RYR3: variants seen among roughly 807,000 people sequenced by gnomAD.
RYR3 encodes the protein brain ryanodine receptor-calcium release channel.
Under a neutral mutation model 584.3 loss-of-function variants are expected in RYR3, and 207 were observed. The observed-to-expected ratio is 0.35, with a 90% CI of 0.32 to 0.40. RYR3 has a LOEUF of 0.40. RYR3 is among the 10% of genes least tolerant of loss of function. The pLI is 1.00. For synonymous variants in RYR3, 2,416 were observed against 2,248.5 expected, an observed-to-expected ratio of 1.07 and a Z score of -2.11; for missense variants, 5,616 against 6,089.2, an observed-to-expected ratio of 0.92 and a Z score of 2.59.
chr15:33,405,104 C>G (rs573134885), intron 1 of RYR3, among the ~76,000 whole-genome samples: 1 of 152,170 alleles, frequency 6.6e-6, no homozygotes, highest in African/African-American at 2.4e-5. Context: ...ATTAGAAATA[C>G]GTAAAGTATT....
chr15:33,858,010 G>A, intron 99 of RYR3, 96 bp downstream of exon 99: 2 of 1,475,648 alleles, frequency 1.4e-6, no homozygotes, highest in Non-Finnish European at 1.8e-6. Flanking sequence ...GGGTGCTCTT[G>A]AGAACTGTAG....
chr15:33,853,406 G>C, intron 95 of RYR3, 149 bp from the exon 96 acceptor site: 1 of 1,063,650 alleles, frequency 9.4e-7, no homozygotes, highest in Non-Finnish European at 1.3e-6. Context: ...TTTTCTCTGG[G>C]TTTTCTCTTT....
intron 5 of RYR3, among the ~76,000 whole-genome samples, chr15:33,537,506 A>G (rs1049134403): frequency 6.7e-6 from 1 of 149,860 alleles, no homozygotes; most frequent in East Asian, 1.9e-4. Flanking sequence ...TTCACAAGTC[A>G]TACACACTTT....
At position 33,390,030 on chromosome 15, in the gene RYR3, A is replaced by G. The variant is rs570679554; in HGVS notation, c.51+78934A>G. Among the ~76,000 whole-genome samples, 4 of 152,212 alleles carry G rather than the reference A, an allele frequency of 2.6e-5. No individual in the cohort carries two copies. Among genetic ancestry groups the G allele is most frequent in the Admixed American group, 1.3e-4 (2 of 15,284 alleles). On this transcript the variant is annotated intron_variant, in intron 1 of 103. Transcript: ENST00000634891. This position sits in a 1 kb window ranked among gnomAD's most constrained non-coding sequence, Gnocchi z 4.2. ...CTATGCTGATTAGTTTCCAATTTCT[A>G]TCATTTCAGGTATGTAAATTATTGC...
intron 12 of RYR3, among the ~76,000 whole-genome samples, chr15:33,579,012 A>G (rs1407444730): frequency 6.6e-6 from 1 of 152,188 alleles, no homozygotes; most frequent in East Asian, 1.9e-4. Context: ...TTTAATTACA[A>G]AAAATTGGCA....
intron 97 of RYR3, 133 bp from the exon 98 acceptor site, chr15:33,854,633 G>A: frequency 2.5e-6 from 3 of 1,219,380 alleles, no homozygotes; most frequent in South Asian, 1.5e-5. Context: ...AGCAGATCTT[G>A]GGCCAGCTCA....
At chr15:33,737,883 C>T (rs2069651894) in intron 49 of RYR3, among the ~76,000 whole-genome samples, 1 of 152,084 alleles carries the variant, frequency 6.6e-6, no homozygotes, top group Non-Finnish European at 1.5e-5. Context: ...GTAACTTCTG[C>T]CCTCTACTGG....
At chr15:33,485,054 A>G (rs970968540) in intron 2 of RYR3, among the ~76,000 whole-genome samples, 2 of 152,176 alleles carry the variant, frequency 1.3e-5, no homozygotes, top group African/African-American at 4.8e-5. Context: ...GAAATAAACG[A>G]TAAGAAGGAA....
intron 40 of RYR3, 80 bp from the exon 41 acceptor site, chr15:33,699,624 C>A: frequency 7.2e-7 from 1 of 1,383,318 alleles, no homozygotes. Context: ...ACTTTACCCA[C>A]TTAAGACTCT....
intron 43 of RYR3, among the ~76,000 whole-genome samples, chr15:33,711,523 A>G (rs8029607): frequency 0.08 from 12,242 of 152,164 alleles, 1,056 homozygotes; most frequent in African/African-American, 0.22. Context: ...GATTATAGGC[A>G]TGAGCCACCG....
At chr15:33,725,801 A>AAT (rs1193828257) in intron 45 of RYR3, among the ~76,000 whole-genome samples, 1 of 149,886 alleles carries the variant, frequency 6.7e-6, no homozygotes, top group Non-Finnish European at 1.5e-5. Context: ...CTACTAAAAA[A>AAT]AAAAAAAAAA....
chr15:33,607,219 G>A (rs759941564), intron 18 of RYR3, among the ~76,000 whole-genome samples: 3 of 152,192 alleles, frequency 2.0e-5, no homozygotes, highest in Admixed American at 6.5e-5. Context: ...CAAGTGCTGA[G>A]CATCGCTGTT....
intron 2 of RYR3, among the ~76,000 whole-genome samples, chr15:33,474,769 T>A (rs1252674647): frequency 6.6e-6 from 1 of 152,174 alleles, no homozygotes; most frequent in Non-Finnish European, 1.5e-5. Flanking sequence ...ATTTTCCACA[T>A]AAACATACAC....
intron 43 of RYR3, among the ~76,000 whole-genome samples, chr15:33,710,416 T>C (rs1377432386): frequency 6.7e-6 from 1 of 149,604 alleles, no homozygotes; most frequent in African/African-American, 2.5e-5. Context: ...CAATCTTAGC[T>C]GACTGCACCC....
At chr15:33,753,951 C>G (rs1226194665) in intron 57 of RYR3, among the ~76,000 whole-genome samples, 1 of 152,092 alleles carries the variant, frequency 6.6e-6, no homozygotes, top group African/African-American at 2.4e-5. Flanking sequence ...TCAAGACCAG[C>G]CTGGTTAAGA....
chr15:33,447,143 G>A (rs1169265767), intron 1 of RYR3, among the ~76,000 whole-genome samples: 1 of 152,188 alleles, frequency 6.6e-6, no homozygotes, highest in Non-Finnish European at 1.5e-5. Flanking sequence ...AGAAAAGGTG[G>A]GATGTACATG....
chr15:33,449,394 T>A (rs2046925242), intron 1 of RYR3, among the ~76,000 whole-genome samples: 1 of 152,088 alleles, frequency 6.6e-6, no homozygotes, highest in Admixed American at 6.5e-5. Flanking sequence ...AAACTCACAG[T>A]CTCCTTGTAA....
At chr15:33,668,948 C>G (rs1391270455) in intron 36 of RYR3, among the ~76,000 whole-genome samples, 1 of 152,078 alleles carries the variant, frequency 6.6e-6, no homozygotes, top group East Asian at 1.9e-4. Context: ...TACAATGCAC[C>G]TATTAAAAAT....
At chr15:33,596,498 G>GC (rs1555547365) in intron 16 of RYR3, among the ~76,000 whole-genome samples, 3 of 137,232 alleles carry the variant, frequency 2.2e-5, no homozygotes, top group African/African-American at 8.1e-5. Context: ...CTTTTTTTGG[G>GC]GGGGGGGGAT....
Sources: allele counts gnomAD v4.1 joint callset (sites outside exome capture counted in the v4.1 genomes callset), GRCh38; gene constraint gnomAD v4.1.1; non-coding constraint Gnocchi (gnomAD v3.1); transcripts MANE v1.5; gene names NCBI Gene and HGNC (gene_info 2026-07-23, HGNC 2026-07-21).